Variants in NEGR1 observed in about 807,000 individuals in gnomAD.
The protein encoded by NEGR1 is neuronal growth regulator 1.
A neutral mutation model predicts 40.9 loss-of-function variants in NEGR1; 10 were observed. The observed-to-expected ratio is 0.24, with a 90% CI of 0.15 to 0.42. The LOEUF is 0.42. Ranked by LOEUF, NEGR1 falls within the 10% of genes least tolerant of loss-of-function variation. The pLI is 1.00. For synonymous variants in NEGR1, 185 were observed against 166.8 expected, an observed-to-expected ratio of 1.11 and a Z score of -0.84; for missense variants, 352 against 438.9, an observed-to-expected ratio of 0.80 and a Z score of 1.77.
rs548202823 is a variant in NEGR1, at chr1:71,805,044, G to A, written c.410-28747C>T. On this transcript the variant is annotated intron_variant, in intron 2 of 6. Transcript: ENST00000357731. Reference sequence around the variant, plus strand: ...TTGGGGGTGGCTGTCTTTTACAGTCGCAGCTGTAGGGATGAAATAAGCTCC... The same window carrying A: ...TTGGGGGTGGCTGTCTTTTACAGTCACAGCTGTAGGGATGAAATAAGCTCC... 1.6e-4 allele frequency among the ~76,000 whole-genome samples: 25 copies of A among 152,190 alleles called. 1 individual carries two copies. Among genetic ancestry groups the A allele is most frequent in the South Asian group, 1.5e-3 (7 of 4,824 alleles).
intron 4 of NEGR1, among the ~76,000 whole-genome samples, chr1:71,687,826 C>G (rs997863364): frequency 1.3e-5 from 2 of 152,130 alleles, no homozygotes; most frequent in African/African-American, 4.8e-5. Context: ...TACGTGAAAG[C>G]AGGCTAGTAT....
At chr1:71,482,971 T>C (rs908600440) in intron 6 of NEGR1, among the ~76,000 whole-genome samples, 21 of 151,782 alleles carry the variant, frequency 1.4e-4, no homozygotes, top group African/African-American at 5.1e-4. Context: ...AATGAATTAA[T>C]CATTAATCAG....
At chr1:72,095,832 G>A (rs1233594428) in intron 1 of NEGR1, among the ~76,000 whole-genome samples, 1 of 152,098 alleles carries the variant, frequency 6.6e-6, no homozygotes, top group Non-Finnish European at 1.5e-5. Flanking sequence ...CTACGAGGGT[G>A]AATTATGATG....
rs1481104559 is a variant in NEGR1 at position 71,404,522 on chromosome 1, T to C, written c.*2924A>G. The C allele has an allele frequency of 6.6e-6, 1 of 151,786 alleles. No individual in the cohort carries two copies. Among genetic ancestry groups the C allele is most frequent in the Non-Finnish European group, 1.5e-5 (1 of 67,672 alleles). 9.4% of individuals were successfully genotyped at this position (151,786 alleles called of 1,614,324 possible). A position where few individuals can be genotyped will look rare whatever the true frequency, so the allele number is the denominator to read the frequency against. On this transcript the variant is annotated 3_prime_UTR_variant, in exon 7 of 7. Coordinates refer to ENST00000357731, the MANE Select transcript of NEGR1 (RefSeq NM_173808.3). ...CCTAATACTCTGATTCTTCCTTCCC[T>C]CTCATCCTTTCTTTCTTCCTACCTT...
chr1:71,732,349 A>C (rs1362854395), intron 3 of NEGR1, among the ~76,000 whole-genome samples: 1 of 151,972 alleles, frequency 6.6e-6, no homozygotes, highest in Non-Finnish European at 1.5e-5. Context: ...CAACAAAAAA[A>C]CCCCATACAT....
At chr1:72,113,969 A>G (rs1231301297) in intron 1 of NEGR1, among the ~76,000 whole-genome samples, 1 of 151,744 alleles carries the variant, frequency 6.6e-6, no homozygotes, top group Non-Finnish European at 1.5e-5. Flanking sequence ...TTTTCTATGT[A>G]TAAACACTTG....
At chr1:71,578,314 C>A (rs1054998322) in intron 6 of NEGR1, among the ~76,000 whole-genome samples, 5 of 152,078 alleles carry the variant, frequency 3.3e-5, no homozygotes, top group Admixed American at 3.3e-4. Flanking sequence ...CATGCAAAGG[C>A]AAGTTCTTCT....
At chr1:71,437,197 A>G (rs913342465) in intron 6 of NEGR1, among the ~76,000 whole-genome samples, 6 of 152,172 alleles carry the variant, frequency 3.9e-5, no homozygotes, top group African/African-American at 1.4e-4. Context: ...GATTTCATTT[A>G]TATGAAATAT....
intron 1 of NEGR1, among the ~76,000 whole-genome samples, chr1:71,935,617 T>C (rs1243495158): frequency 6.6e-6 from 1 of 152,052 alleles, no homozygotes; most frequent in African/African-American, 2.4e-5. Flanking sequence ...GGATGACACA[T>C]CTAAATAAAG....
At chr1:72,265,102 T>C (rs1212355968) in intron 1 of NEGR1, among the ~76,000 whole-genome samples, 2 of 151,012 alleles carry the variant, frequency 1.3e-5, no homozygotes, top group African/African-American at 4.8e-5. Context: ...ACACTACTAA[T>C]TTCTGTATAC....
At chr1:71,763,393 C>T (rs1051317164) in intron 3 of NEGR1, among the ~76,000 whole-genome samples, 3 of 152,074 alleles carry the variant, frequency 2.0e-5, no homozygotes, top group Non-Finnish European at 4.4e-5. Context: ...CATCTTCATG[C>T]CCCATTGGGA....
At chr1:71,714,497 C>T (rs1372511961) in intron 3 of NEGR1, among the ~76,000 whole-genome samples, 1 of 152,182 alleles carries the variant, frequency 6.6e-6, no homozygotes, top group East Asian at 1.9e-4. Flanking sequence ...CAAGGCAAGT[C>T]CCTTCTGCCT....
chr1:71,449,080 C>G (rs1212205809), intron 6 of NEGR1, among the ~76,000 whole-genome samples: 1 of 152,114 alleles, frequency 6.6e-6, no homozygotes, highest in African/African-American at 2.4e-5. Flanking sequence ...CTGCACTACC[C>G]ATAGGAAGTA....
chr1:71,934,536 T>C (rs1264652374), intron 2 of NEGR1, among the ~76,000 whole-genome samples: 1 of 152,158 alleles, frequency 6.6e-6, no homozygotes, highest in East Asian at 1.9e-4. Context: ...GACAGAGTAT[T>C]TGAATGCTTG....
intron 6 of NEGR1, among the ~76,000 whole-genome samples, chr1:71,526,125 C>T (rs1197583990): frequency 6.6e-6 from 1 of 151,428 alleles, no homozygotes; most frequent in Non-Finnish European, 1.5e-5. Flanking sequence ...TTCTGCTATA[C>T]TTTTATCTGG....
chr1:72,200,508 A>G (rs1337345450), intron 1 of NEGR1, among the ~76,000 whole-genome samples: 6 of 151,816 alleles, frequency 4.0e-5, no homozygotes, highest in Non-Finnish European at 8.8e-5. Flanking sequence ...GATATTGTAG[A>G]CTCATTGAGC....
chr1:72,079,449 A>AT (rs906924230), intron 1 of NEGR1, among the ~76,000 whole-genome samples: 50 of 152,142 alleles, frequency 3.3e-4, no homozygotes, highest in African/African-American at 1.2e-3. Context: ...TTTTTCCTGA[A>AT]TTTTTTAAAA....
intron 2 of NEGR1, among the ~76,000 whole-genome samples, chr1:71,915,871 A>G (rs1468902877): frequency 6.6e-6 from 1 of 152,248 alleles, no homozygotes; most frequent in East Asian, 1.9e-4. Context: ...CCTTTGAGCG[A>G]GAAACACAGA....
chr1:71,444,164 C>G (rs973484976), intron 6 of NEGR1, among the ~76,000 whole-genome samples: 3 of 152,040 alleles, frequency 2.0e-5, no homozygotes, highest in African/African-American at 4.8e-5. Flanking sequence ...GAGCCATAAG[C>G]TCCCCAAAAG....
Sources: allele counts gnomAD v4.1 joint callset (sites outside exome capture counted in the v4.1 genomes callset), GRCh38; gene constraint gnomAD v4.1.1; transcripts MANE v1.5; gene names NCBI Gene and HGNC (gene_info 2026-07-23, HGNC 2026-07-21).